The following PHF20 variants were observed in gnomAD, a reference collection of about 807,000 sequenced individuals.
PHF20 encodes the protein PHD finger protein 20.
A neutral mutation model predicts 113.5 loss-of-function variants in PHF20; 23 were observed. The observed-to-expected ratio is 0.20, with a 90% CI of 0.15 to 0.29. PHF20 has a LOEUF of 0.29. Among genes scored for constraint, PHF20 ranks in the 10% least tolerant of loss-of-function variants. PHF20 has a pLI of 1.00. For synonymous variants in PHF20, 434 were observed against 457.3 expected, an observed-to-expected ratio of 0.95 and a Z score of 0.65; for missense variants, 943 against 1,219.6, an observed-to-expected ratio of 0.77 and a Z score of 3.38.
At chr20:35,922,821 T>A (rs1218797980) in intron 13 of PHF20, among the ~76,000 whole-genome samples, 1 of 152,176 alleles carries the variant, frequency 6.6e-6, no homozygotes, top group Admixed American at 6.5e-5. Context: ...GTAAAACAAA[T>A]TTTCACCTGT....
At chr20:35,799,498 G>A (rs2041736475) in intron 1 of PHF20, among the ~76,000 whole-genome samples, 1 of 151,734 alleles carries the variant, frequency 6.6e-6, no homozygotes, top group Non-Finnish European at 1.5e-5. Context: ...AGTTTAGTGG[G>A]AGGAAAGAGT....
rs901210613 is a variant in PHF20, at chr20:35,924,351, C to T, written c.2005-3429C>T. On this transcript the variant is annotated intron_variant, in intron 13 of 17. Transcript: ENST00000374012. ...CTGGGATTACAGGCATGCACCACCACGCTTGGCTAATTTTGTATTTTTAGT... is the reference window on the plus strand; with the variant it reads ...CTGGGATTACAGGCATGCACCACCATGCTTGGCTAATTTTGTATTTTTAGT... Among the ~76,000 whole-genome samples the T allele has an allele frequency of 5.3e-5, 8 of 151,462 alleles. No individual in the cohort carries two copies. The East Asian group carries it at 5.8e-4, about 11-fold the overall frequency.
intron 2 of PHF20, among the ~76,000 whole-genome samples, chr20:35,827,596 A>G (rs2042283092): frequency 1.3e-5 from 2 of 152,040 alleles, no homozygotes; most frequent in Admixed American, 6.6e-5. Flanking sequence ...CATCCTGGCT[A>G]ACACGGTGAA....
At chr20:35,941,522 C>T (rs2147132128) in intron 17 of PHF20, among the ~76,000 whole-genome samples, 1 of 152,262 alleles carries the variant, frequency 6.6e-6, no homozygotes, top group Non-Finnish European at 1.5e-5. Context: ...ATTTGTATAG[C>T]CCTGAGTATT....
intron 1 of PHF20, among the ~76,000 whole-genome samples, chr20:35,799,552 G>T (rs1160937516): frequency 6.6e-6 from 1 of 152,086 alleles, no homozygotes; most frequent in East Asian, 1.9e-4. Flanking sequence ...CTGTTCAAGT[G>T]CCCTTAGAGT....
At chr20:35,830,505 G>A (rs1373915601) in intron 2 of PHF20, among the ~76,000 whole-genome samples, 2 of 152,152 alleles carry the variant, frequency 1.3e-5, no homozygotes, top group South Asian at 2.1e-4. Context: ...TCATGTATTA[G>A]ACACTTGGGT....
chr20:35,842,888 G>C, intron 3 of PHF20, 144 bp downstream of exon 3: 3 of 670,918 alleles, frequency 4.5e-6, no homozygotes, highest in Non-Finnish European at 7.5e-6. Context: ...ATGACACCTG[G>C]GGCTCTTGAA....
chr20:35,854,248 A>T (rs2042789943), intron 4 of PHF20, among the ~76,000 whole-genome samples: 1 of 152,148 alleles, frequency 6.6e-6, no homozygotes, highest in African/African-American at 2.4e-5. Flanking sequence ...CTGCTATAAG[A>T]TTGTCTGCAA....
intron 15 of PHF20, among the ~76,000 whole-genome samples, chr20:35,936,582 A>G (rs1232120522): frequency 6.6e-6 from 1 of 152,204 alleles, no homozygotes; most frequent in Non-Finnish European, 1.5e-5. Flanking sequence ...TCTTTTCTTT[A>G]ATAACAAACT....
chr20:35,922,042 C>T (rs1461488057), intron 13 of PHF20, among the ~76,000 whole-genome samples: 3 of 152,178 alleles, frequency 2.0e-5, no homozygotes, highest in Admixed American at 2.0e-4. Flanking sequence ...CCATTATGTG[C>T]TATATGAAGA....
At chr20:35,789,086 A>G (rs1227387630) in intron 1 of PHF20, among the ~76,000 whole-genome samples, 5 of 152,084 alleles carry the variant, frequency 3.3e-5, no homozygotes, top group South Asian at 4.1e-4. Context: ...GGAGGTTCCA[A>G]TGGCTAATCC....
Position 35,922,989 on chromosome 20 carries a change from C to T in PHF20, c.2005-4791C>T, listed in dbSNP as rs918732595. Among the ~76,000 whole-genome samples the T allele has an allele frequency of 2.6e-5, 4 of 152,068 alleles. 1 individual carries two copies. The highest frequency in any genetic ancestry group is 2.6e-4 in the Admixed American group (4 of 15,270). ...AATTAGTTAATTGTGATGGTGCACACTTGTAGTCCCAGCTTCTCAGGAGGC... is the reference window on the plus strand; with the variant it reads ...AATTAGTTAATTGTGATGGTGCACATTTGTAGTCCCAGCTTCTCAGGAGGC... On this transcript the variant is annotated intron_variant, in intron 13 of 17. Coordinates refer to ENST00000374012, the MANE Select transcript of PHF20 (RefSeq NM_016436.5).
intron 9 of PHF20, among the ~76,000 whole-genome samples, chr20:35,883,981 A>G (rs1470255668): frequency 6.6e-6 from 1 of 152,202 alleles, no homozygotes; most frequent in Non-Finnish European, 1.5e-5. Context: ...TCAGTACTCC[A>G]GGACTGGGTG....
intron 17 of PHF20, among the ~76,000 whole-genome samples, chr20:35,943,353 A>T (rs958624656): frequency 3.3e-5 from 5 of 151,866 alleles, no homozygotes; most frequent in East Asian, 1.9e-4. Context: ...TAAAAAATTT[A>T]AAAAAATTTA....
At chr20:35,833,424 A>C (rs909139282) in intron 2 of PHF20, among the ~76,000 whole-genome samples, 1 of 152,200 alleles carries the variant, frequency 6.6e-6, no homozygotes, top group African/African-American at 2.4e-5. Context: ...CACCATGTGC[A>C]TATATCCCCT....
At chr20:35,878,403 G>A in intron 9 of PHF20, 2 of 444,212 alleles carry the variant, frequency 4.5e-6, no homozygotes, top group Non-Finnish European at 7.9e-6. Context: ...ACCTCTTCAG[G>A]TTGGCGTGTG....
Position 35,938,719 on chromosome 20 carries a change from C to T in PHF20, c.2323C>T (p.Pro775Ser), listed in dbSNP as rs752778505. Residue 775 changes from proline (P) to serine (S), a missense_variant, in exon 16 of 18, where the codon CCG (proline) becomes TCG (serine). By Grantham distance (74) the Pro-to-Ser change is moderately conservative. Transcript: ENST00000374012. The stretch of plus-strand genomic sequence containing the variant: ...CAGAAGCCGGGAGCATCCTGATCTG[C>T]CGCTGTGGTGCCAGCCTTGGAAACA... ...ILQSREHPDL[P>S]LWCQPWKQHS... 3 of 1,611,236 alleles carry T rather than the reference C, an allele frequency of 1.9e-6. No individual in the cohort carries two copies. Among genetic ancestry groups the T allele is most frequent in the Non-Finnish European group, 2.5e-6 (3 of 1,178,548 alleles).
intron 2 of PHF20, among the ~76,000 whole-genome samples, chr20:35,818,499 G>A (rs1040556856): frequency 6.6e-6 from 1 of 151,990 alleles, no homozygotes; most frequent in Non-Finnish European, 1.5e-5. Flanking sequence ...GGCTCAAGCA[G>A]TGCACCCACC....
At chr20:35,775,495 G>A (rs2041154345) in intron 1 of PHF20, among the ~76,000 whole-genome samples, 1 of 152,084 alleles carries the variant, frequency 6.6e-6, no homozygotes, top group Non-Finnish European at 1.5e-5. Context: ...GGTGGCTCAT[G>A]CTTGTAATCC....
Sources: gnomAD v4.1 joint callset for allele counts (sites outside exome capture counted in the v4.1 genomes callset) on GRCh38, gnomAD v4.1.1 for gene constraint, MANE v1.5 for transcripts, NCBI Gene and HGNC (gene_info 2026-07-23, HGNC 2026-07-21) for gene names.